The following TRAPPC3L variants were observed in gnomAD, a reference collection of about 807,000 sequenced individuals.
TRAPPC3L encodes trafficking protein particle complex subunit 3L.
Under a neutral mutation model 23.7 loss-of-function variants are expected in TRAPPC3L, and 23 were observed. The observed-to-expected ratio is 0.97, with a 90% CI of 0.70 to 1.37. The LOEUF is 1.37. Ranked by LOEUF, TRAPPC3L falls within the 40% of genes most tolerant of loss-of-function variation. The pLI, the probability that TRAPPC3L is intolerant of heterozygous loss-of-function variation, is 0.00. For missense variants in TRAPPC3L, 212 were observed against 216.8 expected (o/e 0.98, Z 0.14); for synonymous variants, 81 against 77.9 (o/e 1.04, Z -0.21).
At chr6:116,530,242 A>G (rs756880889) in intron 3 of TRAPPC3L, among the ~76,000 whole-genome samples, 11 of 152,240 alleles carry the variant, frequency 7.2e-5, no homozygotes, top group South Asian at 2.1e-4. Flanking sequence ...AAGAAAAAGG[A>G]AAAAACAGCC....
intron 1 of TRAPPC3L, among the ~76,000 whole-genome samples, chr6:116,544,351 T>A (rs916088196): frequency 6.6e-6 from 1 of 152,094 alleles, no homozygotes; most frequent in South Asian, 2.1e-4. Flanking sequence ...GTGGGCACTA[T>A]TATATATTGA....
chr6:116,518,234 T>C (rs1444874539), intron 3 of TRAPPC3L: 1 of 151,944 alleles, frequency 6.6e-6, no homozygotes, highest in Non-Finnish European at 1.5e-5. Flanking sequence ...TTGGGGGAGA[T>C]CTTATGGGAC....
chr6:116,517,424 C>T (rs1427906348), intron 3 of TRAPPC3L: 2 of 152,044 alleles, frequency 1.3e-5, no homozygotes, highest in Non-Finnish European at 2.9e-5. Context: ...CATAAATTCT[C>T]CTTAAATCTC....
At chr6:116,543,686 T>C (rs1431521751) in intron 1 of TRAPPC3L, 3 of 797,932 alleles carry the variant, frequency 3.8e-6, no homozygotes, top group African/African-American at 3.5e-5. Flanking sequence ...TGTATTTTCA[T>C]GGAGGACAGT....
At chr6:116,523,786 A>C (rs1463504702) in intron 3 of TRAPPC3L, 1 of 152,222 alleles carries the variant, frequency 6.6e-6, no homozygotes, top group African/African-American at 2.4e-5. Context: ...GCAACAAAAA[A>C]CAAGGCAATT....
Position 116,500,626 on chromosome 6 carries a change from GTC to G in TRAPPC3L, c.279_280del (p.Thr94LeufsTer2). The G allele has an allele frequency of 6.4e-7, 1 of 1,551,530 alleles. No individual in the cohort carries two copies. The highest frequency in any genetic ancestry group is 8.7e-7 in the Non-Finnish European group (1 of 1,146,966). On this transcript the variant is annotated frameshift_variant, in exon 4 of 5. Coordinates refer to ENST00000368602, the MANE Select transcript of TRAPPC3L (RefSeq NM_001139444.3). LOFTEE classifies it high-confidence loss of function. ...TTCATTTTTGCTTGAATTGTTACAGGTCACACTTGGTGTAATTCCCAGGTACA... is the reference window on the plus strand; with the variant it reads ...TTCATTTTTGCTTGAATTGTTACAGGACACTTGGTGTAATTCCCAGGTACA...
intron 3 of TRAPPC3L, among the ~76,000 whole-genome samples, chr6:116,537,072 A>C (rs1570065): frequency 0.3 from 46,300 of 151,976 alleles, 8,672 homozygotes; most frequent in Middle Eastern, 0.49. Flanking sequence ...TTGTTGGAGA[A>C]GTAAAAATGA....
intron 3 of TRAPPC3L, among the ~76,000 whole-genome samples, chr6:116,532,308 C>A (rs547426259): frequency 1.3e-5 from 2 of 152,232 alleles, no homozygotes; most frequent in Non-Finnish European, 2.9e-5. Context: ...GCTATATTGC[C>A]CAGGCAGGTC....
chr6:116,531,922 G>A (rs996554295), intron 3 of TRAPPC3L, among the ~76,000 whole-genome samples: 1 of 150,390 alleles, frequency 6.6e-6, no homozygotes, highest in African/African-American at 2.4e-5. Flanking sequence ...AAACAATAAT[G>A]GAAAAAACAA....
chr6:116,526,134 C>T (rs185400481), intron 3 of TRAPPC3L, among the ~76,000 whole-genome samples: 93 of 152,252 alleles, frequency 6.1e-4, no homozygotes, highest in African/African-American at 2.2e-3. Context: ...CTCAAAAACA[C>T]AGCCTCCTTC....
Position 116,529,815 on chromosome 6 carries a change from C to G in TRAPPC3L, c.240+10548G>C, listed in dbSNP as rs146458840. 3.9e-4 allele frequency among the ~76,000 whole-genome samples: 60 copies of G among 152,252 alleles called. No homozygotes were observed. In the East Asian group the frequency reaches 9.8e-3, roughly 25 times the overall value. On this transcript the variant is annotated intron_variant, in intron 3 of 4. Transcript: ENST00000368602. ...GAGATTGAATGAAAATAAACAGGTT[C>G]CAGGTCTTTTATTTTATGGCCCCCA...
intron 3 of TRAPPC3L, among the ~76,000 whole-genome samples, chr6:116,509,125 T>G (rs553112352): frequency 7.2e-6 from 1 of 138,772 alleles, no homozygotes; most frequent in African/African-American, 2.7e-5. Flanking sequence ...CACCGATGAA[T>G]ATACTTAATC....
At chr6:116,511,652 T>A in intron 3 of TRAPPC3L, 2 of 1,573,434 alleles carry the variant, frequency 1.3e-6, no homozygotes, top group Non-Finnish European at 1.7e-6. Flanking sequence ...ACAGCTGCTC[T>A]GCCAATAACA....
intron 3 of TRAPPC3L, among the ~76,000 whole-genome samples, chr6:116,502,919 A>C (rs1771941506): frequency 1.3e-5 from 2 of 152,196 alleles, no homozygotes; most frequent in South Asian, 4.1e-4. Flanking sequence ...CACTGCAAAA[A>C]CATGCCAAAT....
At chr6:116,517,517 G>A (rs189073095) in intron 3 of TRAPPC3L, 1 of 152,258 alleles carries the variant, frequency 6.6e-6, no homozygotes, top group East Asian at 1.9e-4. Flanking sequence ...CTCTTAGTTT[G>A]AGAAAGCTGA....
intron 3 of TRAPPC3L, chr6:116,511,876 G>T: frequency 1.2e-6 from 2 of 1,614,014 alleles, no homozygotes; most frequent in Middle Eastern, 1.7e-4. Context: ...CTCCTGCCTG[G>T]GTGTTACTGA....
intron 4 of TRAPPC3L, 24 bp from the exon 5 acceptor site, chr6:116,497,097 C>A (rs1771844002): frequency 1.3e-6 from 2 of 1,513,038 alleles, no homozygotes; most frequent in South Asian, 2.6e-5. Flanking sequence ...AAAAAACAGG[C>A]CTGTGTCATT....
At chr6:116,503,592 C>T (rs1771955684) in intron 3 of TRAPPC3L, among the ~76,000 whole-genome samples, 1 of 152,200 alleles carries the variant, frequency 6.6e-6, no homozygotes, top group Non-Finnish European at 1.5e-5. Flanking sequence ...CACCACATCG[C>T]ACTTATTCTA....
At chr6:116,538,304 C>T (rs1043757631) in intron 3 of TRAPPC3L, among the ~76,000 whole-genome samples, 2 of 152,178 alleles carry the variant, frequency 1.3e-5, no homozygotes, top group Non-Finnish European at 2.9e-5. Flanking sequence ...GGGCCAAGGG[C>T]ATTTACGGTA....
Sources: allele counts gnomAD v4.1 joint callset (sites outside exome capture counted in the v4.1 genomes callset), GRCh38; gene constraint gnomAD v4.1.1; transcripts MANE v1.5; gene names NCBI Gene and HGNC (gene_info 2026-07-23, HGNC 2026-07-21).